PPP2R2B: variants seen among roughly 807,000 people sequenced by gnomAD.
PPP2R2B encodes the protein serine/threonine-protein phosphatase 2A 55 kDa regulatory subunit B beta isoform.
A neutral mutation model predicts 46.0 loss-of-function variants in PPP2R2B; 5 were observed. The observed-to-expected ratio is 0.11, with a 90% CI of 0.06 to 0.23. The LOEUF (loss-of-function observed/expected upper bound fraction) is 0.23, where lower values mean the gene tolerates loss of function less well. Among genes scored for constraint, PPP2R2B ranks in the 10% least tolerant of loss-of-function variants. The pLI is 1.00. For synonymous variants in PPP2R2B, 215 were observed against 206.7 expected, an observed-to-expected ratio of 1.04 and a Z score of -0.34; for missense variants, 367 against 575.0, an observed-to-expected ratio of 0.64 and a Z score of 3.70.
chr5:146,951,001 GATAA>G (rs1209909711), intron 1 of PPP2R2B, among the ~76,000 whole-genome samples: 18 of 151,976 alleles, frequency 1.2e-4, no homozygotes, highest in African/African-American at 3.9e-4. Flanking sequence ...CTCAGGTAGA[GATAA>G]GGTCAAGCAT....
At chr5:146,942,964 A>AT (rs575716577) in intron 1 of PPP2R2B, among the ~76,000 whole-genome samples, 3 of 151,756 alleles carry the variant, frequency 2.0e-5, no homozygotes, top group Admixed American at 1.3e-4. Context: ...CGCCTGACTA[A>AT]TTTTTTTTGT....
intron 2 of PPP2R2B, among the ~76,000 whole-genome samples, chr5:146,724,005 T>C (rs1186413761): frequency 2.6e-5 from 4 of 152,210 alleles, no homozygotes; most frequent in Non-Finnish European, 5.9e-5. Context: ...GATGTTATCT[T>C]ATTTTCAATT....
intron 7 of PPP2R2B, among the ~76,000 whole-genome samples, chr5:146,627,252 G>A (rs1043216620): frequency 1.3e-5 from 2 of 152,302 alleles, no homozygotes; most frequent in Admixed American, 6.5e-5. Context: ...AATAAATACT[G>A]TTAATTATAC....
At chr5:147,004,256 G>T (rs1055731695) in intron 1 of PPP2R2B, among the ~76,000 whole-genome samples, 4 of 142,854 alleles carry the variant, frequency 2.8e-5, no homozygotes, top group African/African-American at 1.1e-4. Flanking sequence ...CTATGCCGAG[G>T]CAATCACTAG....
At chr5:147,024,719 C>T (rs1755448862) in intron 1 of PPP2R2B, among the ~76,000 whole-genome samples, 1 of 152,040 alleles carries the variant, frequency 6.6e-6, no homozygotes, top group African/African-American at 2.4e-5. Flanking sequence ...CTAAATAACC[C>T]AGTGGCTCAA....
rs1482675472 is a variant in PPP2R2B, at chr5:146,832,377, ATCTTTTTTTTTT to A, written c.70+45613_70+45624del. ...TACACAAGTAAGTGTGCCATTTTTA[ATCTTTTTTTTTT>A]TTTTTTTTTTTTTTTTTTTGAGACA... On this transcript the variant is annotated intron_variant, in intron 2 of 9. Coordinates refer to ENST00000394411, the MANE Select transcript of PPP2R2B (RefSeq NM_181675.4). Among the ~76,000 whole-genome samples the A allele has an allele frequency of 1.1e-4, 11 of 104,298 alleles. No homozygotes were observed. In the East Asian group the frequency reaches 1.3e-3, roughly 12 times the overall value. 68.4% of individuals were successfully genotyped at this position (104,298 alleles called of 152,430 possible). A position where few individuals can be genotyped will look rare whatever the true frequency, so the allele number is the denominator to read the frequency against.
At chr5:146,928,267 G>A (rs1165518768) in intron 1 of PPP2R2B, among the ~76,000 whole-genome samples, 1 of 151,508 alleles carries the variant, frequency 6.6e-6, no homozygotes, top group East Asian at 2.0e-4. Context: ...GCCCTTTTTA[G>A]GTTTATATAT....
chr5:146,868,024 A>C (rs11952689), intron 2 of PPP2R2B, among the ~76,000 whole-genome samples: 10,735 of 152,282 alleles, frequency 0.07, 511 homozygotes, highest in Admixed American at 0.1. Flanking sequence ...CATGTCATTG[A>C]GAGCTTAACC....
chr5:146,794,466 T>C (rs1167018974), intron 2 of PPP2R2B, among the ~76,000 whole-genome samples: 1 of 152,210 alleles, frequency 6.6e-6, no homozygotes, highest in Non-Finnish European at 1.5e-5. Context: ...TTTTAACTTA[T>C]GCTAACAAGT....
At chr5:147,066,346 A>T (rs1036813697) in intron 2 of PPP2R2B, among the ~76,000 whole-genome samples, 3 of 152,164 alleles carry the variant, frequency 2.0e-5, no homozygotes, top group African/African-American at 7.2e-5. Flanking sequence ...AATTCTTTAC[A>T]TGTATTAGCT....
intron 2 of PPP2R2B, among the ~76,000 whole-genome samples, chr5:146,776,912 A>G (rs927866150): frequency 2.0e-5 from 3 of 152,144 alleles, no homozygotes; most frequent in Admixed American, 2.0e-4. Flanking sequence ...AACATTATTA[A>G]TTATTAGGAA....
At chr5:146,795,980 CAT>C (rs1490571966) in intron 2 of PPP2R2B, among the ~76,000 whole-genome samples, 2 of 152,102 alleles carry the variant, frequency 1.3e-5, no homozygotes, top group African/African-American at 4.8e-5. Flanking sequence ...AACATGCCTG[CAT>C]ATAGACTATC....
chr5:147,035,340 G>A (rs1755985899), intron 1 of PPP2R2B: 1 of 304,482 alleles, frequency 3.3e-6, no homozygotes, highest in Non-Finnish European at 6.4e-6. Context: ...AGAACAGCAA[G>A]GGGGAAGGCC....
At chr5:146,812,826 TA>T (rs1757704739) in intron 2 of PPP2R2B, among the ~76,000 whole-genome samples, 17 of 91,786 alleles carry the variant, frequency 1.9e-4, no homozygotes, top group Admixed American at 6.5e-4. Context: ...TATATATATA[TA>T]TACACACACA....
intron 2 of PPP2R2B, among the ~76,000 whole-genome samples, chr5:146,859,286 C>T (rs570009164): frequency 6.6e-6 from 1 of 152,160 alleles, no homozygotes; most frequent in Admixed American, 6.5e-5. Flanking sequence ...AATACAAAAC[C>T]CCTCCCACAA....
intron 1 of PPP2R2B, among the ~76,000 whole-genome samples, chr5:147,030,546 C>T (rs1400798795): frequency 6.6e-6 from 1 of 151,980 alleles, no homozygotes; most frequent in Admixed American, 6.6e-5. Context: ...ATGTAACTAC[C>T]ATAGGTTTAT....
chr5:146,976,578 AAAG>A (rs1487747536), intron 1 of PPP2R2B, among the ~76,000 whole-genome samples: 3 of 152,164 alleles, frequency 2.0e-5, no homozygotes, highest in South Asian at 4.1e-4. Context: ...ATTTACTGAA[AAAG>A]AAGGTTTCTT....
chr5:146,861,857 T>G (rs1216137951), intron 2 of PPP2R2B, among the ~76,000 whole-genome samples: 1 of 37,510 alleles, frequency 2.7e-5, no homozygotes, highest in Non-Finnish European at 4.2e-5. Context: ...TACAGCATTG[T>G]TTTTTTTTTT....
intron 2 of PPP2R2B, among the ~76,000 whole-genome samples, chr5:147,067,886 C>T (rs563001513): frequency 5.8e-4 from 88 of 152,288 alleles, no homozygotes; most frequent in Admixed American, 2.1e-3. Flanking sequence ...AACTAGCTGT[C>T]TGTAATTTTC....
Sources: gnomAD v4.1 joint callset for allele counts (sites outside exome capture counted in the v4.1 genomes callset) on GRCh38, gnomAD v4.1.1 for gene constraint, MANE v1.5 for transcripts, NCBI Gene and HGNC (gene_info 2026-07-23, HGNC 2026-07-21) for gene names.